TMTC3: variants seen among roughly 807,000 people sequenced by gnomAD.
TMTC3 encodes transmembrane O-mannosyltransferase targeting cadherins 3, also known as protein O-mannosyl-transferase TMTC3.
TMTC3 carries 52 observed loss-of-function variants against 92.2 expected under a neutral mutation model. The ratio of observed to expected loss-of-function variants is 0.56; its 90% CI spans 0.45 to 0.71. TMTC3 has a LOEUF of 0.71. Ranked by LOEUF, TMTC3 falls within the 30% of genes least tolerant of loss-of-function variation. The pLI is 0.00. For missense variants in TMTC3, 896 were observed against 1,057.1 expected (o/e 0.85, Z 2.11); for synonymous variants, 339 against 363.3 (o/e 0.93, Z 0.76).
At position 88,190,500 on chromosome 12, in the gene TMTC3, A is replaced by C. The variant is rs1565959142; in HGVS notation, c.1584A>C (p.Leu528=). 1.2e-6 allele frequency: 2 copies of C among 1,613,900 alleles called. No homozygotes were observed. Among genetic ancestry groups the C allele is most frequent in the Non-Finnish European group, 1.7e-6 (2 of 1,179,860 alleles). Residue 528 remains leucine, a synonymous_variant, in exon 12 of 14, where the codon CTA becomes CTC. Coordinates refer to ENST00000266712, the MANE Select transcript of TMTC3 (RefSeq NM_181783.4). The part of the protein sequence containing the change: ...KYAARIAPNH[L]NVYINLANLI... ...CAGCCAGAATTGCCCCTAACCACCT[A>C]AATGTTTATATCAATCTGGCTAACC...
At chr12:88,193,291 T>C (rs2041464658) in intron 13 of TMTC3, among the ~76,000 whole-genome samples, 1 of 152,100 alleles carries the variant, frequency 6.6e-6, no homozygotes, top group African/African-American at 2.4e-5. Flanking sequence ...TATCCAGTTT[T>C]ACTACGTTTT....
rs150195040 is a variant in TMTC3, at chr12:88,157,851, A to C, written c.509-2263A>C. On this transcript the variant is annotated intron_variant, in intron 4 of 13. Transcript: ENST00000266712. ...AATCAAAGTGTTTATATAGTAATATAGTCACTAGAGGCTGAAGAACTGAAG... is the reference window on the plus strand; with the variant it reads ...AATCAAAGTGTTTATATAGTAATATCGTCACTAGAGGCTGAAGAACTGAAG... Among the ~76,000 whole-genome samples the C allele has an allele frequency of 2.2e-4, 33 of 152,296 alleles. 1 individual carries two copies. Among genetic ancestry groups the C allele is most frequent in the Middle Eastern group, 3.4e-3 (1 of 294 alleles).
intron 1 of TMTC3, among the ~76,000 whole-genome samples, chr12:88,147,768 GA>G (rs11413462): frequency 1.6e-4 from 23 of 146,208 alleles, no homozygotes; most frequent in South Asian, 6.5e-4. Flanking sequence ...CATTTTGGGT[GA>G]AAAAAAAAAG....
Position 88,195,567 on chromosome 12 carries a change from A to G in TMTC3, c.2663A>G (p.Lys888Arg), listed in dbSNP as rs369302449. The change falls in exon 14 of 14, where the codon AAA becomes AGA. Residue 888 changes from lysine to arginine, a missense_variant. Lys to Arg is a conservative substitution (Grantham distance 26). Transcript: ENST00000266712. The stretch of plus-strand genomic sequence containing the variant: ...GAAGAGACACCCCACAAAACAACAA[A>G]AGACATCAAAGAAATTGAGAAGAAA... The part of the protein sequence containing the change: ...GDEETPHKTT[K>R]DIKEIEKKRV... 6.2e-6 allele frequency: 10 copies of G among 1,611,666 alleles called. No individual in the cohort carries two copies. Among genetic ancestry groups the G allele is most frequent in the Middle Eastern group, 1.6e-4 (1 of 6,066 alleles).
intron 4 of TMTC3, among the ~76,000 whole-genome samples, chr12:88,155,797 C>T (rs1383262218): frequency 1.3e-5 from 2 of 152,124 alleles, no homozygotes; most frequent in African/African-American, 4.8e-5. Flanking sequence ...ATTCTAATAT[C>T]TTGCTGTATT....
intron 1 of TMTC3, among the ~76,000 whole-genome samples, chr12:88,146,887 A>AGTTTAATATGTTTATTAT (rs1177626661): frequency 6.7e-6 from 1 of 150,148 alleles, no homozygotes; most frequent in Non-Finnish European, 1.5e-5. Flanking sequence ...CATAGTCAGT[A>AGTTTAATATGTTTATTAT]GTTTAATATG....
intron 10 of TMTC3, among the ~76,000 whole-genome samples, chr12:88,184,928 G>C (rs888830885): frequency 1.3e-5 from 2 of 152,134 alleles, no homozygotes; most frequent in African/African-American, 4.8e-5. Flanking sequence ...AATAAACAGA[G>C]CAACCTTCGC....
At chr12:88,148,535 T>A (rs745968159) in intron 2 of TMTC3, 31 bp downstream of exon 2, 4 of 1,450,992 alleles carry the variant, frequency 2.8e-6, no homozygotes, top group South Asian at 2.7e-5. Flanking sequence ...TACTTGTACA[T>A]GTCTCAGATT....
intron 7 of TMTC3, among the ~76,000 whole-genome samples, chr12:88,171,368 T>C (rs2041202693): frequency 6.6e-6 from 1 of 152,028 alleles, no homozygotes; most frequent in Non-Finnish European, 1.5e-5. Context: ...TCCCCAACCT[T>C]CTCCCTCCAA....
chr12:88,158,610 C>T (rs2041037682), intron 4 of TMTC3, among the ~76,000 whole-genome samples: 1 of 151,610 alleles, frequency 6.6e-6, no homozygotes, highest in African/African-American at 2.4e-5. Context: ...TTTTAGTCTA[C>T]AGAGTACTTT....
chr12:88,169,615 A>G (rs1318509838), intron 7 of TMTC3, among the ~76,000 whole-genome samples: 1 of 152,140 alleles, frequency 6.6e-6, no homozygotes, highest in Non-Finnish European at 1.5e-5. Flanking sequence ...TCAACAGCAT[A>G]ATGTAAGTTG....
At chr12:88,182,425 G>C (rs986195543) in intron 10 of TMTC3, among the ~76,000 whole-genome samples, 24 of 152,192 alleles carry the variant, frequency 1.6e-4, no homozygotes, top group Non-Finnish European at 2.6e-4. Context: ...TAACTTATCA[G>C]TAGTTATGCC....
Position 88,174,770 on chromosome 12 carries a change from A to G in TMTC3, c.1320+43A>G. On this transcript the variant is annotated intron_variant, in intron 9 of 13. Transcript: ENST00000266712. ...ATGACAGGAAAGTATGTCATCAGTGATTTCTTGGAACAATTTCTAAGCTGT... is the reference window on the plus strand; with the variant it reads ...ATGACAGGAAAGTATGTCATCAGTGGTTTCTTGGAACAATTTCTAAGCTGT... The G allele has an allele frequency of 3.7e-6, 6 of 1,607,010 alleles. No individual in the cohort carries two copies. The South Asian group carries it at 6.7e-5, about 18-fold the overall frequency.
At chr12:88,175,551 C>A (rs1015963003) in intron 9 of TMTC3, among the ~76,000 whole-genome samples, 4 of 152,152 alleles carry the variant, frequency 2.6e-5, no homozygotes, top group Non-Finnish European at 5.9e-5. Flanking sequence ...CTCTCTCTCC[C>A]AACTCAGAAG....
At position 88,154,365 on chromosome 12, in the gene TMTC3, A is replaced by C; in HGVS notation, c.486A>C (p.Ser162=). The C allele has an allele frequency of 6.2e-7, 1 of 1,605,142 alleles. No homozygotes were observed. Among genetic ancestry groups the C allele is most frequent in the Non-Finnish European group, 8.5e-7 (1 of 1,177,502 alleles). ...FLAAFLSYTR[S]KGPDNSIIWT... is the part of the protein sequence containing the mutation. ...CAGCTTTTTTGTCATATACCAGATC[A>C]AAAGGACCAGACAATTCCATAAGTA... The change falls in exon 4 of 14, where the codon TCA becomes TCC. Residue 162 remains serine (S), a synonymous_variant. Transcript: ENST00000266712.
chr12:88,183,878 T>C (rs193267911), intron 10 of TMTC3, among the ~76,000 whole-genome samples: 172 of 152,294 alleles, frequency 1.1e-3, no homozygotes, highest in African/African-American at 3.5e-3. Flanking sequence ...TCTGTTGAGC[T>C]GACAACCACT....
rs1360893703 is a variant in TMTC3 at position 88,148,269 on chromosome 12, T to C, written c.-28-19T>C. 1 of 1,479,782 alleles carries C rather than the reference T, an allele frequency of 6.8e-7. No individual in the cohort carries two copies. Among genetic ancestry groups the C allele is most frequent in the African/African-American group, 1.4e-5 (1 of 70,896 alleles). The allele number at this position is 1,479,782 out of a possible 1,614,324, so 91.7% of individuals were successfully genotyped here. A position where few individuals can be genotyped will look rare whatever the true frequency, so the allele number is the denominator to read the frequency against. On this transcript the variant is annotated intron_variant, in intron 1 of 13. Transcript: ENST00000266712. The stretch of plus-strand genomic sequence containing the variant: ...GAATAAATATGTTCCTTATTTTATC[T>C]TCATGATTTTTTTTCCAGTTTTTGT...
chr12:88,186,008 A>G (rs1484574179), intron 10 of TMTC3, among the ~76,000 whole-genome samples: 1 of 152,132 alleles, frequency 6.6e-6, no homozygotes, highest in Admixed American at 6.5e-5. Flanking sequence ...ATATTTATAA[A>G]TTTATTTTTT....
intron 8 of TMTC3, among the ~76,000 whole-genome samples, chr12:88,174,162 G>A (rs1239637711): frequency 6.6e-6 from 1 of 151,986 alleles, no homozygotes; most frequent in East Asian, 1.9e-4. Flanking sequence ...CTTTACAATA[G>A]AGAAATAAAC....
Sources: allele counts gnomAD v4.1 joint callset (sites outside exome capture counted in the v4.1 genomes callset), GRCh38; gene constraint gnomAD v4.1.1; transcripts MANE v1.5; gene names NCBI Gene and HGNC (gene_info 2026-07-23, HGNC 2026-07-21).